Variants in KMT2C observed in about 807,000 individuals in gnomAD.
KMT2C encodes histone-lysine N-methyltransferase 2C.
In KMT2C, 88 loss-of-function variants were observed where a neutral mutation model predicts 507.9. That is an observed-to-expected ratio of 0.17 (90% confidence interval 0.15 to 0.21). The LOEUF is 0.21. Among genes scored for constraint, KMT2C ranks in the 10% least tolerant of loss-of-function variants. The pLI, the probability that KMT2C is intolerant of heterozygous loss-of-function variation, is 1.00. For missense variants in KMT2C, 4,954 were observed against 5,957.8 expected (o/e 0.83, Z 5.55); for synonymous variants, 2,049 against 2,080.8 (o/e 0.98, Z 0.42).
rs775998431 is a variant in KMT2C at position 152,187,440 on chromosome 7, A to G, written c.4830T>C (p.Asp1610=). The change falls in exon 33 of 59, where the codon GAT becomes GAC. Residue 1610 remains aspartate (D), a synonymous_variant. Transcript: ENST00000262189. ...KNSAFNPMAS[D]PNNSWTSSAP... is the part of the protein sequence containing the mutation. Reference sequence around the variant, plus strand: ...CTGATGATGTCCAAGAGTTGTTAGGATCACTTGCCATTGGATTAAAGGCTG... The same window carrying G: ...CTGATGATGTCCAAGAGTTGTTAGGGTCACTTGCCATTGGATTAAAGGCTG... 1.9e-6 allele frequency: 3 copies of G among 1,614,110 alleles called. No homozygotes were observed. Among genetic ancestry groups the G allele is most frequent in the Non-Finnish European group, 1.7e-6 (2 of 1,179,966 alleles).
At chr7:152,154,190 T>C (rs774605342) in intron 47 of KMT2C, 44 bp from the exon 48 acceptor site, 77 of 1,611,086 alleles carry the variant, frequency 4.8e-5, no homozygotes, top group Non-Finnish European at 5.8e-5. Context: ...TGTTAATGGA[T>C]TTTCAAAATC....
In KMT2C at chr7:152,250,833, T is replaced by TATCC. The variant is rs2095551613; in HGVS notation, c.1735+16_1735+19dup. 8.0e-7 allele frequency: 1 copy of TATCC among 1,245,216 alleles called. No individual in the cohort carries two copies. Among genetic ancestry groups the TATCC allele is most frequent in the South Asian group, 1.2e-5 (1 of 81,492 alleles). The allele number at this position is 1,245,216 out of a possible 1,614,324, so 77.1% of individuals were successfully genotyped here. A position where few individuals can be genotyped will look rare whatever the true frequency, so the allele number is the denominator to read the frequency against. On this transcript the variant is annotated intron_variant, in intron 12 of 58. Transcript: ENST00000262189. Reference sequence around the variant, plus strand: ...ACACATTTTCTTCAAAAACAGAGTATATCCATTAAACATTCTTACCATCTG... The same window carrying TATCC: ...ACACATTTTCTTCAAAAACAGAGTATATCCATCCATTAAACATTCTTACCATCTG...
At chr7:152,326,513 T>A (rs1272149647) in intron 3 of KMT2C, among the ~76,000 whole-genome samples, 1 of 152,188 alleles carries the variant, frequency 6.6e-6, no homozygotes, top group Admixed American at 6.5e-5. Context: ...GATTTTGTTA[T>A]CTAGTAATCT....
At chr7:152,375,711 C>T (rs2097324125) in intron 1 of KMT2C, among the ~76,000 whole-genome samples, 1 of 152,116 alleles carries the variant, frequency 6.6e-6, no homozygotes, top group Admixed American at 6.5e-5. Flanking sequence ...CACCATTTTC[C>T]AGCAGCATGC....
chr7:152,268,226 T>G (rs952494226), intron 7 of KMT2C, among the ~76,000 whole-genome samples: 2 of 152,080 alleles, frequency 1.3e-5, no homozygotes, highest in Non-Finnish European at 2.9e-5. Context: ...CTGCTGTGAC[T>G]GGAGTTTGCG....
At chr7:152,179,345 A>ACAAG (rs1490054738) in intron 37 of KMT2C, among the ~76,000 whole-genome samples, 1 of 152,226 alleles carries the variant, frequency 6.6e-6, no homozygotes, top group African/African-American at 2.4e-5. Flanking sequence ...TGGAGAGAGG[A>ACAAG]CAAGTCTCAT....
Position 152,244,480 on chromosome 7 carries a change from G to GT in KMT2C, c.2532+3421dup, listed in dbSNP as rs571855190. ...AAGGATCGCTTGAGGCCAGGAGTTC[G>GT]TAACCAGCCTGGTCTACACAGCAAG... On this transcript the variant is annotated intron_variant, in intron 14 of 58. Transcript: ENST00000262189. Among the ~76,000 whole-genome samples, 269 of 152,124 alleles carry GT rather than the reference G, an allele frequency of 1.8e-3. 1 individual carries two copies. Among genetic ancestry groups the GT allele is most frequent in the African/African-American group, 6.1e-3 (255 of 41,512 alleles).
chr7:152,326,265 C>T (rs2096827475), intron 3 of KMT2C, among the ~76,000 whole-genome samples: 1 of 152,114 alleles, frequency 6.6e-6, no homozygotes, highest in Non-Finnish European at 1.5e-5. Flanking sequence ...TGAACCTACA[C>T]ATCAATTGGG....
chr7:152,341,031 CTAAAA>C (rs1292545203), intron 2 of KMT2C, among the ~76,000 whole-genome samples: 9 of 152,136 alleles, frequency 5.9e-5, no homozygotes, highest in Admixed American at 3.3e-4. Flanking sequence ...ATAAAAGAAA[CTAAAA>C]TAAACCAACA....
At chr7:152,323,813 G>C (rs926622279) in intron 3 of KMT2C, among the ~76,000 whole-genome samples, 2 of 142,530 alleles carry the variant, frequency 1.4e-5, no homozygotes, top group Non-Finnish European at 3.1e-5. Context: ...GGGAGGGGAG[G>C]GGAAGGGGAT....
chr7:152,427,358 A>G, intron 1 of KMT2C, among the ~76,000 whole-genome samples: 1 of 152,164 alleles, frequency 6.6e-6, no homozygotes, highest in East Asian at 1.9e-4. Context: ...ATCTTTTTAT[A>G]TGCACAAAAT....
chr7:152,330,160 G>C (rs1242120560), intron 3 of KMT2C, among the ~76,000 whole-genome samples: 1 of 124,634 alleles, frequency 8.0e-6, no homozygotes, highest in African/African-American at 2.9e-5. Flanking sequence ...GGGAGGGGGG[G>C]AGGGGTGGTG....
At chr7:152,297,380 C>T (rs1252676793) in intron 6 of KMT2C, among the ~76,000 whole-genome samples, 1 of 152,056 alleles carries the variant, frequency 6.6e-6, no homozygotes, top group African/African-American at 2.4e-5. Context: ...GAAAAGAACC[C>T]CAGAGGTCTA....
chr7:152,243,674 A>C (rs768932667), intron 14 of KMT2C, among the ~76,000 whole-genome samples: 17 of 152,084 alleles, frequency 1.1e-4, no homozygotes, highest in Non-Finnish European at 1.8e-4. Flanking sequence ...AGTCCCCGCT[A>C]CTCAGGAGGC....
intron 6 of KMT2C, among the ~76,000 whole-genome samples, chr7:152,275,293 C>T (rs200806026): frequency 6.6e-6 from 1 of 152,078 alleles, no homozygotes; most frequent in Admixed American, 6.5e-5. Context: ...ACCTGTAATC[C>T]CGGCACTTTG....
At chr7:152,204,570 C>T (rs2094240435) in intron 25 of KMT2C, among the ~76,000 whole-genome samples, 1 of 151,286 alleles carries the variant, frequency 6.6e-6, no homozygotes, top group South Asian at 2.1e-4. Flanking sequence ...GCATGCCAAC[C>T]TGGGTGACAT....
Position 152,176,337 on chromosome 7 carries a change from T to C in KMT2C, c.9116A>G (p.Gln3039Arg), listed in dbSNP as rs759105942. 3.1e-6 allele frequency: 5 copies of C among 1,614,050 alleles called. No individual in the cohort carries two copies. In the African/African-American group the frequency reaches 4.0e-5, roughly 13 times the overall value. ...QQLMIPQTLA[Q>R]QNRERPLLLE... ...AAGAAGGGGCCTCTCTCTATTCTGC[T>C]GTGCTAATGTTTGAGGAATCATTAG... The change falls in exon 38 of 59, where the codon CAG becomes CGG. Residue 3039 changes from glutamine to arginine, a missense_variant. Physicochemically the swap from Gln to Arg is conservative, Grantham distance 43. Transcript: ENST00000262189.
chr7:152,351,592 G>T (rs2097111311), intron 2 of KMT2C, among the ~76,000 whole-genome samples: 1 of 152,144 alleles, frequency 6.6e-6, no homozygotes, highest in Admixed American at 6.5e-5. Context: ...CTTTGTTGTG[G>T]GAAGTCAGGG....
chr7:152,417,724 C>T (rs1445872719), intron 1 of KMT2C, among the ~76,000 whole-genome samples: 2 of 152,016 alleles, frequency 1.3e-5, no homozygotes, highest in African/African-American at 4.8e-5. Flanking sequence ...TCACTGCAAG[C>T]TCCGCCTCCT....
Sources: gnomAD v4.1 joint callset for allele counts (sites outside exome capture counted in the v4.1 genomes callset) on GRCh38, gnomAD v4.1.1 for gene constraint, MANE v1.5 for transcripts, NCBI Gene and HGNC (gene_info 2026-07-23, HGNC 2026-07-21) for gene names.